The following ESCO1 variants were observed in gnomAD, a reference collection of about 807,000 sequenced individuals.
The protein encoded by ESCO1 is N-acetyltransferase ESCO1.
In ESCO1, 33 loss-of-function variants were observed where a neutral mutation model predicts 83.5. The ratio of observed to expected loss-of-function variants is 0.40; its 90% CI spans 0.30 to 0.53. The LOEUF (loss-of-function observed/expected upper bound fraction) is 0.53. ESCO1 is among the 20% of genes least tolerant of loss of function. The pLI is 0.63. For synonymous variants in ESCO1, 332 were observed against 324.3 expected (o/e 1.02, Z -0.25); for missense variants, 855 against 968.0 (o/e 0.88, Z 1.55).
chr18:21,596,030 G>C (rs1425096388), intron 1 of ESCO1, among the ~76,000 whole-genome samples: 1 of 151,456 alleles, frequency 6.6e-6, no homozygotes, highest in East Asian at 1.9e-4. Context: ...TTGTCACAAA[G>C]ACTATACTAT....
rs747249567 is a variant in ESCO1 at position 21,575,418 on chromosome 18, T to C, written c.-575A>G. On this transcript the variant is annotated 5_prime_UTR_variant, in exon 4 of 12. Coordinates refer to ENST00000269214, the MANE Select transcript of ESCO1 (RefSeq NM_052911.3). ...TATTCTATTAATATAGATTTCCTTT[T>C]GTGCTGCCGTTTCTGAAAAATTAAA... 1.5e-5 allele frequency: 6 copies of C among 398,114 alleles called. No individual in the cohort carries two copies. Among genetic ancestry groups the C allele is most frequent in the Non-Finnish European group, 2.2e-5 (5 of 225,852 alleles). The allele number at this position is 398,114 out of a possible 1,614,324, so 24.7% of individuals were successfully genotyped here. A position where few individuals can be genotyped will look rare whatever the true frequency, so the allele number is the denominator to read the frequency against.
chr18:21,545,821 CG>C (rs1214099836), intron 8 of ESCO1, among the ~76,000 whole-genome samples: 2 of 150,900 alleles, frequency 1.3e-5, no homozygotes, highest in Non-Finnish European at 3.0e-5. Context: ...CCCAGCTACT[CG>C]GGGGGGCTGA....
At chr18:21,553,476 A>AT (rs1384780893) in intron 8 of ESCO1, among the ~76,000 whole-genome samples, 12 of 98,090 alleles carry the variant, frequency 1.2e-4, no homozygotes, top group African/African-American at 4.0e-4. Flanking sequence ...AAAAAAAAAA[A>AT]TTTTTTTTGA....
At chr18:21,592,690 C>T (rs1425829840) in intron 1 of ESCO1, among the ~76,000 whole-genome samples, 1 of 151,038 alleles carries the variant, frequency 6.6e-6, no homozygotes, top group Admixed American at 6.6e-5. Context: ...AGCTGCCGGG[C>T]GGAGACGCTC....
intron 9 of ESCO1, 147 bp downstream of exon 9, chr18:21,539,773 G>A (rs533624943): frequency 4.1e-5 from 24 of 589,686 alleles, no homozygotes; most frequent in South Asian, 2.4e-4. Flanking sequence ...CCTTGAACCC[G>A]GGAGACAGAG....
intron 8 of ESCO1, among the ~76,000 whole-genome samples, chr18:21,559,426 T>C (rs373826035): frequency 1.2e-4 from 18 of 152,334 alleles, no homozygotes; most frequent in East Asian, 1.2e-3. Flanking sequence ...CCTTGACATC[T>C]TGGAAGAGTA....
intron 8 of ESCO1, among the ~76,000 whole-genome samples, chr18:21,560,043 A>G (rs1016369492): frequency 2.6e-5 from 4 of 152,176 alleles, no homozygotes; most frequent in African/African-American, 7.2e-5. Flanking sequence ...ATAAAGATTT[A>G]TATGAAATGA....
intron 10 of ESCO1, among the ~76,000 whole-genome samples, chr18:21,534,236 T>C (rs2037803425): frequency 6.6e-6 from 1 of 152,244 alleles, no homozygotes; most frequent in Non-Finnish European, 1.5e-5. Flanking sequence ...ACTAAGCATG[T>C]GGGAGTTATT....
chr18:21,584,410 TAAAAA>T lies in ESCO1; in HGVS notation c.-799_-795del, dbSNP rs140822641. ...CACTTCCTGTATGTTTAGTAATCTT[TAAAAA>T]AAAAAACTCTATAGCCAAAGACAAT... On this transcript the variant is annotated 5_prime_UTR_variant, in exon 2 of 12. Transcript: ENST00000269214. The T allele has an allele frequency of 7.3e-6, 1 of 137,382 alleles. No homozygotes were observed. Among genetic ancestry groups the T allele is most frequent in the African/African-American group, 2.7e-5 (1 of 37,722 alleles). 8.5% of individuals were successfully genotyped at this position (137,382 alleles called of 1,614,324 possible).
intron 10 of ESCO1, among the ~76,000 whole-genome samples, chr18:21,535,410 G>A (rs944850747): frequency 3.5e-5 from 5 of 142,006 alleles, no homozygotes; most frequent in African/African-American, 7.9e-5. Context: ...TTTTGAGACC[G>A]AGTCTTGTGT....
intron 1 of ESCO1, among the ~76,000 whole-genome samples, chr18:21,590,168 A>C (rs1196456087): frequency 1.4e-5 from 2 of 146,430 alleles, no homozygotes; most frequent in Non-Finnish European, 3.0e-5. Flanking sequence ...CTACCTTCCA[A>C]CTCTCCTTAT....
intron 8 of ESCO1, among the ~76,000 whole-genome samples, chr18:21,552,545 A>G (rs1260857394): frequency 1.3e-5 from 2 of 152,196 alleles, no homozygotes; most frequent in Non-Finnish European, 2.9e-5. Flanking sequence ...GCCATGCAGA[A>G]CTGTGAGTTA....
intron 1 of ESCO1, among the ~76,000 whole-genome samples, chr18:21,591,543 ACTTT>A (rs371274640): frequency 1.4e-4 from 21 of 152,106 alleles, no homozygotes; most frequent in African/African-American, 4.3e-4. Flanking sequence ...CTGCTATCAA[ACTTT>A]CTTTCTTCAT....
chr18:21,575,213 G>A lies in ESCO1; in HGVS notation c.-370C>T, dbSNP rs570518465. The A allele has an allele frequency of 1.8e-5, 7 of 383,156 alleles. No homozygotes were observed. In the East Asian group the frequency reaches 2.2e-4, roughly 12 times the overall value. The allele number at this position is 383,156 out of a possible 1,614,324, so 23.7% of individuals were successfully genotyped here. A position where few individuals can be genotyped will look rare whatever the true frequency, so the allele number is the denominator to read the frequency against. ...TGGTTTCAGGCCTAGCTCTATTACT[G>A]GAGGAGTTATTTATCAGTGACCTGT... On this transcript the variant is annotated 5_prime_UTR_variant, in exon 4 of 12. Coordinates refer to ENST00000269214, the MANE Select transcript of ESCO1 (RefSeq NM_052911.3).
intron 8 of ESCO1, among the ~76,000 whole-genome samples, chr18:21,560,558 G>C (rs2038169457): frequency 6.6e-6 from 1 of 151,578 alleles, no homozygotes; most frequent in African/African-American, 2.4e-5. Flanking sequence ...GAAATCAAAG[G>C]AATTTTATTA....
intron 7 of ESCO1, among the ~76,000 whole-genome samples, chr18:21,561,623 T>G (rs2146198821): frequency 6.6e-6 from 1 of 152,314 alleles, no homozygotes; most frequent in Non-Finnish European, 1.5e-5. Flanking sequence ...AGATGGGGTT[T>G]CACCATGTTG....
intron 8 of ESCO1, among the ~76,000 whole-genome samples, chr18:21,553,152 C>T (rs751968744): frequency 1.8e-4 from 28 of 152,116 alleles, no homozygotes; most frequent in Admixed American, 3.9e-4. Context: ...TAGTCAAGCA[C>T]GGTGGTGTAC....
At chr18:21,557,975 T>C (rs2038133435) in intron 8 of ESCO1, among the ~76,000 whole-genome samples, 1 of 151,616 alleles carries the variant, frequency 6.6e-6, no homozygotes, top group Non-Finnish European at 1.5e-5. Flanking sequence ...GCTTTTTTGT[T>C]TTTTGGGGTT....
chr18:21,586,882 T>C (rs938229200), intron 1 of ESCO1, among the ~76,000 whole-genome samples: 2 of 152,216 alleles, frequency 1.3e-5, no homozygotes, highest in Admixed American at 1.3e-4. Context: ...CTGTTAGGTA[T>C]GATGTTAGAT....
Sources: gnomAD v4.1 joint callset for allele counts (sites outside exome capture counted in the v4.1 genomes callset) on GRCh38, gnomAD v4.1.1 for gene constraint, MANE v1.5 for transcripts, NCBI Gene and HGNC (gene_info 2026-07-23, HGNC 2026-07-21) for gene names.